RYR1: variants seen among roughly 807,000 people sequenced by gnomAD.
RYR1 encodes the protein central core disease of muscle.
Under a neutral mutation model 583.5 loss-of-function variants are expected in RYR1, and 342 were observed. The ratio of observed to expected loss-of-function variants is 0.59; its 90% CI spans 0.54 to 0.64. The LOEUF (loss-of-function observed/expected upper bound fraction) is 0.64, where lower values mean the gene tolerates loss of function less well. Among genes scored for constraint, RYR1 ranks in the 30% least tolerant of loss-of-function variants. The probability of loss-of-function intolerance (pLI) is 0.00; values close to 1 mark genes in which losing one functional copy is unlikely to be tolerated. For missense variants in RYR1, 6,032 were observed against 6,917.2 expected (o/e 0.87, Z 4.54); for synonymous variants, 2,791 against 2,822.5 (o/e 0.99, Z 0.35).
chr19:38,502,763 AGGGGCAGGGGCAGGG>A, intron 48 of RYR1, 36 bp downstream of exon 48: 1 of 402,170 alleles, frequency 2.5e-6, no homozygotes, highest in Non-Finnish European at 4.1e-6. Flanking sequence ...GGGCAGGGGC[AGGGGCAGGGGCAGGG>A]GCAGGGGCAG....
intron 70 of RYR1, 26 bp downstream of exon 70, chr19:38,523,955 G>A (rs551839326): frequency 1.4e-5 from 22 of 1,613,410 alleles, no homozygotes; most frequent in South Asian, 4.4e-5. Context: ...GGGACCTTCC[G>A]CATGTCTCTT....
chr19:38,458,081 G>A lies in RYR1; in HGVS notation c.1956G>A (p.Ala652=), dbSNP rs202105428. 43 of 1,613,828 alleles carry A rather than the reference G, an allele frequency of 2.7e-5. No individual in the cohort carries two copies. The highest frequency in any genetic ancestry group is 4.5e-5 in the East Asian group (2 of 44,876). The change falls in exon 18 of 106, where the codon GCG becomes GCA. Residue 652 remains alanine, a synonymous_variant. Coordinates refer to ENST00000359596, the MANE Select transcript of RYR1 (RefSeq NM_000540.3). ...SIRPNIFVGR[A]EGTTQYSKWY... ...GCCCCAACATCTTTGTGGGCCGAGC[G>A]GAAGGCACCACGCAGTACAGCAAAT...
intron 81 of RYR1, 40 bp from the exon 82 acceptor site, chr19:38,535,957 C>A: frequency 6.3e-7 from 1 of 1,587,490 alleles, no homozygotes; most frequent in South Asian, 1.1e-5. Flanking sequence ...AGGGCAGAGG[C>A]TTCATCACAT....
intron 31 of RYR1, among the ~76,000 whole-genome samples, chr19:38,481,872 A>AAGGTCAGGAGTTCGAGACC (rs1189915598): frequency 6.6e-6 from 1 of 152,056 alleles, no homozygotes; most frequent in East Asian, 1.9e-4. Flanking sequence ...CAGATCACCT[A>AAGGTCAGGAGTTCGAGACC]AGGTCAGGAG....
At position 38,444,301 on chromosome 19, in the gene RYR1, C is replaced by CA; in HGVS notation, c.537+40_537+41insA. 1.4e-6 allele frequency: 2 copies of CA among 1,476,852 alleles called. No individual in the cohort carries two copies. Among genetic ancestry groups the CA allele is most frequent in the Non-Finnish European group, 1.9e-6 (2 of 1,059,826 alleles). The allele number at this position is 1,476,852 out of a possible 1,614,324, so 91.5% of individuals were successfully genotyped here. On this transcript the variant is annotated intron_variant, in intron 6 of 105. Coordinates refer to ENST00000359596, the MANE Select transcript of RYR1 (RefSeq NM_000540.3). The surrounding 1 kb of genome is among the most constrained non-coding windows in gnomAD (Gnocchi z 5.1). ...TTCCTCCTGCTCCCAGGTCTGGGGGCGCATGGGATGGTCCCCATCTTCTCA... is the reference window on the plus strand; with the variant it reads ...TTCCTCCTGCTCCCAGGTCTGGGGGCAGCATGGGATGGTCCCCATCTTCTCA...
Position 38,473,294 on chromosome 19 carries a change from G to A in RYR1, c.3766-83G>A. The A allele has an allele frequency of 2.6e-6, 4 of 1,532,446 alleles. No homozygotes were observed. The South Asian group carries it at 3.4e-5, about 13-fold the overall frequency. The allele number at this position is 1,532,446 out of a possible 1,614,324, so 94.9% of individuals were successfully genotyped here. ...GCAGGTGCACTATGGCCTAATGGTG[G>A]CTCCGTGTGTGACCAGGTGTAGGAC... On this transcript the variant is annotated intron_variant, in intron 27 of 105. Transcript: ENST00000359596.
At chr19:38,464,945 C>T (rs983717800) in intron 23 of RYR1, among the ~76,000 whole-genome samples, 3 of 151,786 alleles carry the variant, frequency 2.0e-5, no homozygotes, top group African/African-American at 7.3e-5. Context: ...GGGTATGAGT[C>T]CAGGATCCAG....
intron 91 of RYR1, among the ~76,000 whole-genome samples, chr19:38,566,277 C>T (rs1381725374): frequency 6.6e-6 from 1 of 151,350 alleles, no homozygotes; most frequent in African/African-American, 2.4e-5. Context: ...GGTGGAACCC[C>T]GTCTCTACTA....
chr19:38,561,098 C>G lies in RYR1; in HGVS notation c.12283-15C>G, dbSNP rs1382468749. On this transcript the variant is annotated splice_polypyrimidine_tract_variant and intron_variant, in intron 89 of 105. Coordinates refer to ENST00000359596, the MANE Select transcript of RYR1 (RefSeq NM_000540.3). The surrounding 1 kb of genome is among the most constrained non-coding windows in gnomAD (Gnocchi z 4.8). ...CTCTCCAGGTCACCCCACTGACCTC[C>G]CTGCCCGCCCCCAGGCCATGGACAG... 3 of 1,613,504 alleles carry G rather than the reference C, an allele frequency of 1.9e-6. No individual in the cohort carries two copies. Among genetic ancestry groups the G allele is most frequent in the Non-Finnish European group, 2.5e-6 (3 of 1,179,642 alleles).
At chr19:38,537,809 C>A in intron 83 of RYR1, 71 bp from the exon 84 acceptor site, 2 of 1,376,834 alleles carry the variant, frequency 1.5e-6, no homozygotes. Flanking sequence ...GTGCATGGGC[C>A]TTGTGCATGT....
At chr19:38,578,322 C>A in intron 99 of RYR1, 118 bp downstream of exon 99, 2 of 955,920 alleles carry the variant, frequency 2.1e-6, no homozygotes, top group South Asian at 1.4e-5. Flanking sequence ...TGGCTGTGAC[C>A]CTAGGGTATC....
chr19:38,466,256 C>G lies in RYR1; in HGVS notation c.3036C>G (p.Ile1012Met), dbSNP rs1568461933. Reference protein sequence around the residue: ...QGWSYSAVQDIPARRNPRLVP... With the variant: ...QGWSYSAVQDMPARRNPRLVP... ...GGAGCTACAGCGCAGTGCAGGACATCCCAGCGCGCCGAAACCCTCGGCTGG... is the reference window on the plus strand; with the variant it reads ...GGAGCTACAGCGCAGTGCAGGACATGCCAGCGCGCCGAAACCCTCGGCTGG... Residue 1012 changes from isoleucine to methionine, a missense_variant, in exon 24 of 106, where the codon ATC becomes ATG. Physicochemically the swap from Ile to Met is conservative, Grantham distance 10. Transcript: ENST00000359596. 2 of 1,613,162 alleles carry G rather than the reference C, an allele frequency of 1.2e-6. No individual in the cohort carries two copies. Among genetic ancestry groups the G allele is most frequent in the South Asian group, 1.1e-5 (1 of 91,066 alleles).
intron 99 of RYR1, 144 bp downstream of exon 99, chr19:38,578,348 G>A (rs1309384186): frequency 5.3e-6 from 4 of 755,042 alleles, no homozygotes; most frequent in Non-Finnish European, 4.5e-6. Flanking sequence ...ATCCACACAA[G>A]GCTCCTTATC....
chr19:38,433,853 C>G lies in RYR1; in HGVS notation c.24C>G (p.Asp8Glu). The G allele has an allele frequency of 6.2e-7, 1 of 1,608,200 alleles. No homozygotes were observed. Among genetic ancestry groups the G allele is most frequent in the South Asian group, 1.1e-5 (1 of 90,976 alleles). ...TCATGGGTGACGCAGAAGGCGAAGA[C>G]GAGGTCCAGTTCCTGCGGACGGTGC... is the stretch of plus-strand genomic sequence containing the variant. MGDAEGE[D>E]EVQFLRTDDE... is the part of the protein sequence containing the mutation. Residue 8 changes from aspartate to glutamate, a missense_variant, in exon 1 of 106, where the codon GAC becomes GAG. Coordinates refer to ENST00000359596, the MANE Select transcript of RYR1 (RefSeq NM_000540.3).
intron 89 of RYR1, among the ~76,000 whole-genome samples, chr19:38,550,620 C>G (rs1472937782): frequency 6.6e-6 from 1 of 152,100 alleles, no homozygotes; most frequent in Non-Finnish European, 1.5e-5. Context: ...AGGCGATCCT[C>G]CTGCCTCAGC....
In RYR1 at chr19:38,524,864, T is replaced by C. The variant is rs140257408; in HGVS notation, c.10456-468T>C. Reference sequence around the variant, plus strand: ...GCATGCTGTGGAGGGGGTATTGTACTGGGGTTCCTAGGGGATTCTGGAAGA... The same window carrying C: ...GCATGCTGTGGAGGGGGTATTGTACCGGGGTTCCTAGGGGATTCTGGAAGA... On this transcript the variant is annotated intron_variant, in intron 70 of 105. Transcript: ENST00000359596. 1.7e-3 allele frequency among the ~76,000 whole-genome samples: 256 copies of C among 151,874 alleles called. 3 individuals are homozygous for C. Among genetic ancestry groups the C allele is most frequent in the African/African-American group, 5.9e-3 (246 of 41,400 alleles).
chr19:38,496,682 T>C lies in RYR1; in HGVS notation c.6796+141T>C. The C allele has an allele frequency of 2.4e-6, 3 of 1,228,848 alleles. No homozygotes were observed. Among genetic ancestry groups the C allele is most frequent in the Middle Eastern group, 1.9e-4 (1 of 5,214 alleles). The allele number at this position is 1,228,848 out of a possible 1,614,324, so 76.1% of individuals were successfully genotyped here. On this transcript the variant is annotated intron_variant, in intron 41 of 105. Transcript: ENST00000359596. This position sits in a 1 kb window ranked among gnomAD's most constrained non-coding sequence, Gnocchi z 4.8. Reference sequence around the variant, plus strand: ...GTTCTGGCCCTGTAATGAGTAATGCTGGGGACACAATAGTGACCCCAATAG... The same window carrying C: ...GTTCTGGCCCTGTAATGAGTAATGCCGGGGACACAATAGTGACCCCAATAG...
intron 23 of RYR1, 103 bp downstream of exon 23, chr19:38,464,825 A>G (rs1311255129): frequency 7.0e-6 from 7 of 1,005,138 alleles, no homozygotes; most frequent in Non-Finnish European, 1.1e-5. Flanking sequence ...GGCTGAGGTT[A>G]GGGAGGAAGG....
chr19:38,475,598 C>A, intron 29 of RYR1, 148 bp downstream of exon 29: 1 of 1,037,922 alleles, frequency 9.6e-7, no homozygotes, highest in Non-Finnish European at 1.4e-6. Flanking sequence ...AAATATGGCA[C>A]ACACAGATTT....
Sources: gnomAD v4.1 joint callset for allele counts (sites outside exome capture counted in the v4.1 genomes callset) on GRCh38, gnomAD v4.1.1 for gene constraint, Gnocchi (gnomAD v3.1) non-coding constraint, MANE v1.5 for transcripts, NCBI Gene and HGNC (gene_info 2026-07-23, HGNC 2026-07-21) for gene names.